Variants in CTSK observed in about 807,000 individuals in gnomAD.
The protein encoded by CTSK is cathepsin O.
CTSK carries 26 observed loss-of-function variants against 40.5 expected under a neutral mutation model. That is an observed-to-expected ratio of 0.64 (90% CI 0.47 to 0.89). The LOEUF (loss-of-function observed/expected upper bound fraction) is 0.89, where lower values mean the gene tolerates loss of function less well. Among genes scored for constraint, CTSK ranks in the 40% least tolerant of loss-of-function variants. CTSK has a pLI of 0.00. For synonymous variants in CTSK, 132 were observed against 143.2 expected (o/e 0.92, Z 0.56); for missense variants, 292 against 400.1 (o/e 0.73, Z 2.30).
Position 150,806,017 on chromosome 1 carries a change from C to T in CTSK, c.244-1G>A, listed in dbSNP as rs2101953359. ...TCTTCTGAACCACCTCTTCACTGGT[C>T]TAAGACAAAGAAGAAAGAGGCCAGG... On this transcript the variant is annotated splice_acceptor_variant, in intron 3 of 7. Coordinates refer to ENST00000271651, the MANE Select transcript of CTSK (RefSeq NM_000396.4). LOFTEE classifies it high-confidence loss of function. 6.2e-7 allele frequency: 1 copy of T among 1,614,098 alleles called. No homozygotes were observed. The highest frequency in any genetic ancestry group is 1.1e-5 in the South Asian group (1 of 91,070).
At chr1:150,807,055 G>C (rs1293176663) in intron 1 of CTSK, among the ~76,000 whole-genome samples, 8 of 116,414 alleles carry the variant, frequency 6.9e-5, no homozygotes, top group South Asian at 3.0e-4. Context: ...CACTCTCTCT[G>C]TTTCTCTCTC....
chr1:150,798,005 C>T (rs773979061), intron 7 of CTSK, among the ~76,000 whole-genome samples: 2 of 152,158 alleles, frequency 1.3e-5, no homozygotes, highest in African/African-American at 2.4e-5. Context: ...GTCTAGGGCT[C>T]CTGCTCCTTG....
chr1:150,802,885 A>G (rs1654019843), intron 5 of CTSK, among the ~76,000 whole-genome samples: 1 of 152,206 alleles, frequency 6.6e-6, no homozygotes, highest in South Asian at 2.1e-4. Context: ...GCAACAGAGT[A>G]AGACCCTATT....
intron 1 of CTSK, among the ~76,000 whole-genome samples, chr1:150,807,785 CA>C (rs1343825474): frequency 6.6e-6 from 1 of 152,152 alleles, no homozygotes; most frequent in Non-Finnish European, 1.5e-5. Context: ...TGCAAACTGG[CA>C]AAATGTCCAG....
chr1:150,806,096 A>G lies in CTSK; in HGVS notation c.243+6T>C, dbSNP rs765510109. ...CAGGTGGGACAGGAGCTGAAGCTATACTTGCCATGTCCCCCAGGTGGTTCA... is the reference window on the plus strand; with the variant it reads ...CAGGTGGGACAGGAGCTGAAGCTATGCTTGCCATGTCCCCCAGGTGGTTCA... On this transcript the variant is annotated splice_donor_region_variant and intron_variant, in intron 3 of 7. Coordinates refer to ENST00000271651, the MANE Select transcript of CTSK (RefSeq NM_000396.4). 6.2e-7 allele frequency: 1 copy of G among 1,614,072 alleles called. No homozygotes were observed. Among genetic ancestry groups the G allele is most frequent in the African/African-American group, 1.3e-5 (1 of 74,924 alleles).
chr1:150,804,385 C>T, intron 4 of CTSK, 146 bp from the exon 5 acceptor site: 1 of 719,890 alleles, frequency 1.4e-6, no homozygotes, highest in Non-Finnish European at 2.5e-6. Flanking sequence ...CGCTTAATAT[C>T]TGTTGCACTG....
chr1:150,801,510 T>A, intron 5 of CTSK, among the ~76,000 whole-genome samples: 1 of 151,982 alleles, frequency 6.6e-6, no homozygotes, highest in East Asian at 1.9e-4. Context: ...GGAAAATTAA[T>A]CATTTTACTA....
chr1:150,807,080 T>TCACACA (rs1171180978), intron 1 of CTSK, among the ~76,000 whole-genome samples: 126 of 69,650 alleles, frequency 1.8e-3, no homozygotes, highest in African/African-American at 3.3e-3. Context: ...TCTCTCTCTC[T>TCACACA]CACACACACA....
chr1:150,797,221 A>G (rs1009687989), intron 7 of CTSK, among the ~76,000 whole-genome samples: 1 of 152,198 alleles, frequency 6.6e-6, no homozygotes, highest in African/African-American at 2.4e-5. Flanking sequence ...GAGGCAGGAA[A>G]GTGTGGGGCA....
intron 4 of CTSK, among the ~76,000 whole-genome samples, 162 bp from the exon 5 acceptor site, chr1:150,804,401 C>T (rs1654048571): frequency 6.6e-6 from 1 of 152,166 alleles, no homozygotes; most frequent in South Asian, 2.1e-4. Flanking sequence ...CACTGTTCTA[C>T]TGCTATTGAT....
At position 150,800,194 on chromosome 1, in the gene CTSK, C is replaced by CAA. The variant is rs57369418; in HGVS notation, c.619-487_619-486dup. ...CCTGGGCGAGAGCGAGACTCCATCT[C>CAA]AAAAAAAAAAAAAATCAACTACAGG... is the stretch of plus-strand genomic sequence containing the variant. On this transcript the variant is annotated intron_variant, in intron 5 of 7. Coordinates refer to ENST00000271651, the MANE Select transcript of CTSK (RefSeq NM_000396.4). Among the ~76,000 whole-genome samples the CAA allele has an allele frequency of 1.1e-4, 8 of 71,708 alleles. No homozygotes were observed. The East Asian group carries it at 2.3e-3, about 21-fold the overall frequency. 47.0% of individuals were successfully genotyped at this position (71,708 alleles called of 152,430 possible).
rs587702498 is a variant in CTSK at position 150,805,586 on chromosome 1, C to G, written c.399+275G>C. On this transcript the variant is annotated intron_variant, in intron 4 of 7. Coordinates refer to ENST00000271651, the MANE Select transcript of CTSK (RefSeq NM_000396.4). ...CCCGGGAGGTGTAGGTTGCAGTGAGCCAAGATTGCACCACTGCACTCCATC... is the reference window on the plus strand; with the variant it reads ...CCCGGGAGGTGTAGGTTGCAGTGAGGCAAGATTGCACCACTGCACTCCATC... Among the ~76,000 whole-genome samples the G allele has an allele frequency of 2.8e-3, 399 of 140,936 alleles. 1 individual carries two copies. The highest frequency in any genetic ancestry group is 4.2e-3 in the Non-Finnish European group (278 of 66,660). 92.5% of individuals were successfully genotyped at this position (140,936 alleles called of 152,430 possible).
intron 1 of CTSK, chr1:150,807,357 C>T (rs1368112242): frequency 2.1e-6 from 1 of 471,208 alleles, no homozygotes; most frequent in Admixed American, 2.3e-5. Flanking sequence ...CAGAAGAGGA[C>T]AAGGGAAAAT....
chr1:150,805,528 A>G (rs1358188921), intron 4 of CTSK, among the ~76,000 whole-genome samples: 1 of 150,252 alleles, frequency 6.7e-6, no homozygotes, highest in African/African-American at 2.5e-5. Flanking sequence ...AATCTCAGCT[A>G]CTCAGGAGGC....
chr1:150,798,293 G>GA (rs979789123), intron 7 of CTSK, among the ~76,000 whole-genome samples: 1 of 151,976 alleles, frequency 6.6e-6, no homozygotes, highest in Non-Finnish European at 1.5e-5. Context: ...TATTTTGAAG[G>GA]AAAAAAACTG....
intron 5 of CTSK, among the ~76,000 whole-genome samples, chr1:150,801,880 G>C (rs1438130534): frequency 6.6e-6 from 1 of 151,972 alleles, no homozygotes; most frequent in Non-Finnish European, 1.5e-5. Context: ...ATCATAAAAA[G>C]AATGAAAAGA....
rs1194292135 is a variant in CTSK, at chr1:150,804,258, A to G, written c.400-19T>C. On this transcript the variant is annotated intron_variant, in intron 4 of 7. Transcript: ENST00000271651. ...ACTGACCCTGAAAGGCATACAGAGA[A>G]ACTATCAATCTTTGCTGTTTACATT... is the stretch of plus-strand genomic sequence containing the variant. 3.2e-6 allele frequency: 5 copies of G among 1,582,720 alleles called. No individual in the cohort carries two copies. Among genetic ancestry groups the G allele is most frequent in the Non-Finnish European group, 4.3e-6 (5 of 1,151,454 alleles).
chr1:150,806,113 G>A lies in CTSK; in HGVS notation c.232C>T (p.Leu78=), dbSNP rs2101953482. Reference sequence around the variant, plus strand: ...GAAGCTATACTTGCCATGTCCCCCAGGTGGTTCATAGCCAGTTCATATGTA... The same window carrying A: ...GAAGCTATACTTGCCATGTCCCCCAAGTGGTTCATAGCCAGTTCATATGTA... ...VHTYELAMNH[L]GDMTSEEVVQ... The change falls in exon 3 of 8, where the codon CTG becomes TTG. Residue 78 remains leucine, a synonymous_variant. Coordinates refer to ENST00000271651, the MANE Select transcript of CTSK (RefSeq NM_000396.4). The A allele has an allele frequency of 6.2e-7, 1 of 1,614,182 alleles. No individual in the cohort carries two copies. Among genetic ancestry groups the A allele is most frequent in the South Asian group, 1.1e-5 (1 of 91,084 alleles).
In CTSK at chr1:150,797,130, A is replaced by G. The variant is rs1322697329; in HGVS notation, c.891-232T>C. On this transcript the variant is annotated intron_variant, in intron 7 of 7. Transcript: ENST00000271651. Reference sequence around the variant, plus strand: ...TTAGAGGCTTGATGTAAGAGGTGGCATTTGAGCTGAGCCAAAAGGCTAAGT... The same window carrying G: ...TTAGAGGCTTGATGTAAGAGGTGGCGTTTGAGCTGAGCCAAAAGGCTAAGT... Among the ~76,000 whole-genome samples the G allele has an allele frequency of 5.3e-5, 8 of 152,320 alleles. No homozygotes were observed. The East Asian group carries it at 1.4e-3, about 26-fold the overall frequency.
Sources: gnomAD v4.1 joint callset for allele counts (sites outside exome capture counted in the v4.1 genomes callset) on GRCh38, gnomAD v4.1.1 for gene constraint, MANE v1.5 for transcripts, NCBI Gene and HGNC (gene_info 2026-07-23, HGNC 2026-07-21) for gene names.